TOX2: variants seen among roughly 807,000 people sequenced by gnomAD.
TOX2 encodes TOX high mobility group box family member 2.
Under a neutral mutation model 47.4 loss-of-function variants are expected in TOX2, and 15 were observed. That is an observed-to-expected ratio of 0.32 (90% CI 0.21 to 0.49). TOX2 has a LOEUF of 0.49. TOX2 is among the 20% of genes least tolerant of loss of function. The pLI, the probability that TOX2 is intolerant of heterozygous loss-of-function variation, is 0.99. For synonymous variants in TOX2, 290 were observed against 296.6 expected, an observed-to-expected ratio of 0.98 and a Z score of 0.23; for missense variants, 622 against 673.1, an observed-to-expected ratio of 0.92 and a Z score of 0.84.
Position 44,009,373 on chromosome 20 carries a change from G to T in TOX2, c.411+2581G>T, listed in dbSNP as rs1012263894. Reference sequence around the variant, plus strand: ...GGAGGGTGGGAGGAAACCAACTCGAGATCCACATTTCATAGTGTTTGGTTC... The same window carrying T: ...GGAGGGTGGGAGGAAACCAACTCGATATCCACATTTCATAGTGTTTGGTTC... On this transcript the variant is annotated intron_variant, in intron 3 of 8. Coordinates refer to ENST00000341197, the MANE Select transcript of TOX2 (RefSeq NM_001098797.2). 9.2e-5 allele frequency among the ~76,000 whole-genome samples: 14 copies of T among 152,322 alleles called. No homozygotes were observed. The East Asian group carries it at 2.7e-3, about 29-fold the overall frequency.
At chr20:43,990,832 C>T (rs1478543471) in intron 2 of TOX2, among the ~76,000 whole-genome samples, 1 of 152,154 alleles carries the variant, frequency 6.6e-6, no homozygotes, top group Non-Finnish European at 1.5e-5. Flanking sequence ...GTGCCTTCAT[C>T]CACAGGCAGC....
chr20:44,068,829 C>T lies in TOX2; in HGVS notation c.*143C>T, dbSNP rs1455016009. On this transcript the variant is annotated 3_prime_UTR_variant, in exon 9 of 9. Transcript: ENST00000341197. ...CACACCCATTGCCCGGGGGCTGAGTCTCTTCCTCAACCTCCCACCAGACTC... is the reference window on the plus strand; with the variant it reads ...CACACCCATTGCCCGGGGGCTGAGTTTCTTCCTCAACCTCCCACCAGACTC... The T allele has an allele frequency of 8.7e-7, 1 of 1,147,720 alleles. No homozygotes were observed. The highest frequency in any genetic ancestry group is 1.3e-6 in the Non-Finnish European group (1 of 779,300). The allele number at this position is 1,147,720 out of a possible 1,614,324, so 71.1% of individuals were successfully genotyped here.
At chr20:44,038,127 GGCTCACACCTATAATCCCA>G (rs1278387122) in intron 3 of TOX2, among the ~76,000 whole-genome samples, 5 of 152,226 alleles carry the variant, frequency 3.3e-5, no homozygotes, top group Non-Finnish European at 7.3e-5. Context: ...TGGGTGCCGT[GGCTCACACCTATAATCCCA>G]GCACTCTGGG....
Position 43,960,101 on chromosome 20 carries a change from G to C in TOX2, c.100-13266G>C, listed in dbSNP as rs182254707. 2.9e-3 allele frequency among the ~76,000 whole-genome samples: 442 copies of C among 152,304 alleles called. 3 individuals are homozygous for C. The highest frequency in any genetic ancestry group is 5.1e-3 in the Non-Finnish European group (344 of 68,022). On this transcript the variant is annotated intron_variant, in intron 1 of 8. Transcript: ENST00000341197. ...CAGTAACTTACCTTGTGAGGTTGTC[G>C]TGAGGATTATAGGAACGGATGTTTG...
intron 1 of TOX2, among the ~76,000 whole-genome samples, chr20:43,966,000 TATATC>T (rs2069845840): frequency 6.6e-6 from 1 of 152,176 alleles, no homozygotes; most frequent in South Asian, 2.1e-4. Context: ...TAGGAGTTGA[TATATC>T]ATAACAATGA....
intron 1 of TOX2, among the ~76,000 whole-genome samples, chr20:43,953,259 TG>T (rs1252889803): frequency 6.6e-6 from 1 of 152,132 alleles, no homozygotes; most frequent in Non-Finnish European, 1.5e-5. Flanking sequence ...CACCTGTTTA[TG>T]GTGATTTGTG....
chr20:44,056,246 C>T (rs1213683951), intron 5 of TOX2, among the ~76,000 whole-genome samples: 1 of 152,222 alleles, frequency 6.6e-6, no homozygotes, highest in African/African-American at 2.4e-5. Flanking sequence ...GAGGGACCCT[C>T]AGGCAAAGGA....
chr20:44,030,374 G>T (rs1028946925), intron 3 of TOX2, among the ~76,000 whole-genome samples: 1 of 152,190 alleles, frequency 6.6e-6, no homozygotes, highest in Admixed American at 6.5e-5. Context: ...TAGCAGCCAA[G>T]CTGGCCTTTC....
intron 3 of TOX2, among the ~76,000 whole-genome samples, chr20:44,021,179 C>T (rs1218556764): frequency 1.3e-5 from 2 of 152,072 alleles, no homozygotes; most frequent in Non-Finnish European, 2.9e-5. Context: ...GTGACCAGAA[C>T]GCAAAATTCC....
At chr20:43,974,359 G>A (rs999470287) in intron 2 of TOX2, among the ~76,000 whole-genome samples, 4 of 152,090 alleles carry the variant, frequency 2.6e-5, no homozygotes, top group Admixed American at 6.5e-5. Flanking sequence ...ACTGCAGGCC[G>A]GAACCCCAGG....
At chr20:43,937,614 C>T (rs764216465) in intron 1 of TOX2, among the ~76,000 whole-genome samples, 6 of 152,014 alleles carry the variant, frequency 3.9e-5, no homozygotes, top group Non-Finnish European at 5.9e-5. Flanking sequence ...TGGGGAGGCC[C>T]GTAGGGAGGG....
chr20:44,008,924 T>C (rs2070734261), intron 3 of TOX2, among the ~76,000 whole-genome samples: 1 of 152,252 alleles, frequency 6.6e-6, no homozygotes, highest in Non-Finnish European at 1.5e-5. Context: ...AGCCAGCATC[T>C]TCCCTGACAT....
At chr20:43,958,030 A>T (rs558491124) in intron 1 of TOX2, among the ~76,000 whole-genome samples, 1 of 152,184 alleles carries the variant, frequency 6.6e-6, no homozygotes, top group Non-Finnish European at 1.5e-5. Context: ...GGGTGGGGAC[A>T]TAGAGCTAAA....
chr20:43,986,813 C>T (rs1269553042), intron 2 of TOX2, among the ~76,000 whole-genome samples: 1 of 152,126 alleles, frequency 6.6e-6, no homozygotes, highest in Non-Finnish European at 1.5e-5. Context: ...TGCCTGTAAT[C>T]CTAGCACTTT....
chr20:43,949,215 T>G (rs1325729323), intron 1 of TOX2, among the ~76,000 whole-genome samples: 2 of 152,222 alleles, frequency 1.3e-5, no homozygotes, highest in Non-Finnish European at 2.9e-5. Flanking sequence ...TTTGACCCCT[T>G]TCTCTGCCTT....
At chr20:43,970,820 C>G (rs1159461566) in intron 1 of TOX2, among the ~76,000 whole-genome samples, 1 of 152,158 alleles carries the variant, frequency 6.6e-6, no homozygotes, top group Admixed American at 6.5e-5. Flanking sequence ...CACTCTGGGA[C>G]AGATGACAAA....
intron 3 of TOX2, among the ~76,000 whole-genome samples, chr20:44,030,062 T>C (rs1262539046): frequency 1.3e-5 from 2 of 152,118 alleles, no homozygotes; most frequent in African/African-American, 4.8e-5. Context: ...CCAGGCCATT[T>C]CCACTGCTCT....
At position 44,051,334 on chromosome 20, in the gene TOX2, C is replaced by T. The variant is rs956413217; in HGVS notation, c.440C>T (p.Ala147Val). 8.7e-6 allele frequency: 14 copies of T among 1,611,920 alleles called. No individual in the cohort carries two copies. Among genetic ancestry groups the T allele is most frequent in the African/African-American group, 4.0e-5 (3 of 74,902 alleles). ...CAGGAGATGGTCCACTCGGAAGTGG[C>T]TGCCTATGACTCGGGCCGGCCCGGG... is the stretch of plus-strand genomic sequence containing the variant. Reference protein sequence around the residue: ...TIQEMVHSEVAAYDSGRPGPL... With the variant: ...TIQEMVHSEVVAYDSGRPGPL... Residue 147 changes from alanine (A) to valine (V), a missense_variant, in exon 4 of 9, where the codon GCT (alanine) becomes GTT (valine). Around this residue, in one of 3 missense-constraint regions of TOX2, gnomAD observed 307 missense variants for 327.3 expected, o/e 0.94. Coordinates refer to ENST00000341197, the MANE Select transcript of TOX2 (RefSeq NM_001098797.2).
intron 2 of TOX2, among the ~76,000 whole-genome samples, chr20:44,003,988 G>T (rs529463828): frequency 6.6e-6 from 1 of 152,170 alleles, no homozygotes; most frequent in Admixed American, 6.5e-5. Context: ...AGAGCAGCCC[G>T]AGTGGCCAAT....
Sources: gnomAD v4.1 joint callset for allele counts (sites outside exome capture counted in the v4.1 genomes callset) on GRCh38, gnomAD v4.1.1 for gene constraint, gnomAD v4.1.1 regional missense constraint, MANE v1.5 for transcripts, NCBI Gene and HGNC (gene_info 2026-07-23, HGNC 2026-07-21) for gene names.